Variants in UPF2 observed in about 807,000 individuals in gnomAD.
UPF2 encodes the protein UPF2 regulator of nonsense mediated mRNA decay, also known as regulator of nonsense transcripts 2.
A neutral mutation model predicts 141.4 loss-of-function variants in UPF2; 17 were observed. The observed-to-expected ratio is 0.12, with a 90% CI of 0.08 to 0.18. The LOEUF is 0.18. UPF2 is among the 10% of genes least tolerant of loss of function. The probability of loss-of-function intolerance (pLI) is 1.00; values close to 1 mark genes in which losing one functional copy is unlikely to be tolerated. For missense variants in UPF2, 1,152 were observed against 1,515.9 expected, an observed-to-expected ratio of 0.76 and a Z score of 3.99; for synonymous variants, 540 against 498.0, an observed-to-expected ratio of 1.08 and a Z score of -1.12.
At position 11,956,660 on chromosome 10, in the gene UPF2, C is replaced by T. The variant is rs1244266045; in HGVS notation, c.2371-137G>A. The T allele has an allele frequency of 2.7e-6, 2 of 735,540 alleles. No individual in the cohort carries two copies. Among genetic ancestry groups the T allele is most frequent in the Non-Finnish European group, 4.5e-6 (2 of 448,602 alleles). 45.6% of individuals were successfully genotyped at this position (735,540 alleles called of 1,614,324 possible). A position where few individuals can be genotyped will look rare whatever the true frequency, so the allele number is the denominator to read the frequency against. On this transcript the variant is annotated intron_variant, in intron 12 of 21. Coordinates refer to ENST00000357604, the MANE Select transcript of UPF2 (RefSeq NM_015542.4). This position sits in a 1 kb window ranked among gnomAD's most constrained non-coding sequence, Gnocchi z 4.2. ...ATTAGAAATCCTCTATCGGCCTCTT[C>T]AGAAATAGAAAAACTGAGACTTTCT... is the stretch of plus-strand genomic sequence containing the variant.
chr10:12,024,586 G>A (rs552414474), intron 3 of UPF2, among the ~76,000 whole-genome samples: 9 of 151,966 alleles, frequency 5.9e-5, no homozygotes, highest in African/African-American at 2.2e-4. Context: ...CTCCAGCCTG[G>A]GCAACACAGG....
intron 21 of UPF2, among the ~76,000 whole-genome samples, chr10:11,927,022 C>G (rs1158059008): frequency 6.6e-6 from 1 of 152,188 alleles, no homozygotes; most frequent in Non-Finnish European, 1.5e-5. Context: ...CAGACTCTCA[C>G]CCAAGGTTTT....
chr10:11,931,778 T>C lies in UPF2; in HGVS notation c.3551A>G (p.Lys1184Arg). Reference sequence around the variant, plus strand: ...AGAGGACATGGGTACATTAAGGATCTTAAACTGGGAGAAAATAACAAAGGA... The same window carrying C: ...AGAGGACATGGGTACATTAAGGATCCTAAACTGGGAGAAAATAACAAAGGA... ...LTRKGNKQQF[K>R]ILNVPMSSQL... The change falls in exon 20 of 22, where the codon AAG becomes AGG. Residue 1184 changes from lysine (K) to arginine (R), a missense_variant. This residue lies in a region of UPF2 where 66 missense variants were observed against 123.5 expected (regional missense o/e 0.53). Coordinates refer to ENST00000357604, the MANE Select transcript of UPF2 (RefSeq NM_015542.4). This position sits in a 1 kb window ranked among gnomAD's most constrained non-coding sequence, Gnocchi z 5.9. 1 of 1,591,030 alleles carries C rather than the reference T, an allele frequency of 6.3e-7. No homozygotes were observed. The highest frequency in any genetic ancestry group is 8.5e-7 in the Non-Finnish European group (1 of 1,174,716).
chr10:11,949,590 G>A (rs957746662), intron 15 of UPF2, among the ~76,000 whole-genome samples: 9 of 152,108 alleles, frequency 5.9e-5, no homozygotes, highest in African/African-American at 2.2e-4. Context: ...TGTCTTAAAT[G>A]TTCAAAACTT....
At chr10:11,977,502 A>T (rs1034201095) in intron 9 of UPF2, among the ~76,000 whole-genome samples, 2 of 152,222 alleles carry the variant, frequency 1.3e-5, no homozygotes, top group Admixed American at 6.5e-5. Context: ...GAGAGAGTAC[A>T]TATAGACAGA....
rs753944141 is a variant in UPF2, at chr10:11,936,759, G to A, written c.3379-47C>T. On this transcript the variant is annotated intron_variant, in intron 18 of 21. Transcript: ENST00000357604. The surrounding 1 kb of genome is among the most constrained non-coding windows in gnomAD (Gnocchi z 6.6). ...ATAATAAACACTCCAAGATATATAC[G>A]GATATATGTCAATATAAATTGCAAA... is the stretch of plus-strand genomic sequence containing the variant. The A allele has an allele frequency of 5.9e-5, 89 of 1,505,502 alleles. No individual in the cohort carries two copies. Among genetic ancestry groups the A allele is most frequent in the South Asian group, 6.8e-5 (5 of 73,514 alleles). The allele number at this position is 1,505,502 out of a possible 1,614,324, so 93.3% of individuals were successfully genotyped here. A position where few individuals can be genotyped will look rare whatever the true frequency, so the allele number is the denominator to read the frequency against.
In UPF2 at chr10:11,962,863, T is replaced by C. The variant is rs1428251201; in HGVS notation, c.2184+1146A>G. On this transcript the variant is annotated intron_variant, in intron 11 of 21. Transcript: ENST00000357604. ...GCCTTTAAGACTCAGCTTAGGTCTC[T>C]AAAATAAAAACTGCTTTTTTCAAGA... Among the ~76,000 whole-genome samples the C allele has an allele frequency of 2.6e-5, 4 of 152,308 alleles. No individual in the cohort carries two copies. In the South Asian group the frequency reaches 6.2e-4, roughly 24 times the overall value.
chr10:11,964,759 C>T (rs930975086), intron 10 of UPF2, among the ~76,000 whole-genome samples: 3 of 152,256 alleles, frequency 2.0e-5, no homozygotes, highest in Admixed American at 1.3e-4. Flanking sequence ...ACCCCAATTG[C>T]CTTCCATTTC....
At chr10:11,951,569 T>C (rs1020423852) in intron 15 of UPF2, among the ~76,000 whole-genome samples, 6 of 152,188 alleles carry the variant, frequency 3.9e-5, no homozygotes, top group Admixed American at 1.3e-4. Context: ...TAATTATCTC[T>C]AGATTTTCTC....
chr10:11,980,190 C>T lies in UPF2; in HGVS notation c.1845-1025G>A, dbSNP rs1833569049. Among the ~76,000 whole-genome samples the T allele has an allele frequency of 6.6e-6, 1 of 152,148 alleles. No individual in the cohort carries two copies. Among genetic ancestry groups the T allele is most frequent in the Non-Finnish European group, 1.5e-5 (1 of 68,024 alleles). On this transcript the variant is annotated intron_variant, in intron 8 of 21. Coordinates refer to ENST00000357604, the MANE Select transcript of UPF2 (RefSeq NM_015542.4). The surrounding 1 kb of genome is among the most constrained non-coding windows in gnomAD (Gnocchi z 4.2). Reference sequence around the variant, plus strand: ...TGGCCACTACTAGTTGGAATCAACACACAAGCTAAAATTTATTTTCCATTC... The same window carrying T: ...TGGCCACTACTAGTTGGAATCAACATACAAGCTAAAATTTATTTTCCATTC...
chr10:11,996,523 T>C (rs1309968359), intron 8 of UPF2, among the ~76,000 whole-genome samples: 1 of 152,144 alleles, frequency 6.6e-6, no homozygotes, highest in African/African-American at 2.4e-5. Flanking sequence ...TTTTGTATTT[T>C]AGTAGAGATG....
At chr10:11,983,354 T>G (rs1303987860) in intron 8 of UPF2, among the ~76,000 whole-genome samples, 1 of 152,142 alleles carries the variant, frequency 6.6e-6, no homozygotes, top group African/African-American at 2.4e-5. Flanking sequence ...ATCAATCTTC[T>G]TTGGTCATGC....
chr10:11,999,715 T>C (rs1372129031), intron 7 of UPF2, among the ~76,000 whole-genome samples, 191 bp downstream of exon 7: 1 of 152,090 alleles, frequency 6.6e-6, no homozygotes, highest in African/African-American at 2.4e-5. Context: ...TACAGCCAAT[T>C]CTCTACCCAA....
chr10:11,938,853 G>GTTTTGTTTTTTTT lies in UPF2; in HGVS notation c.3379-2142_3379-2141insAAAAAAAACAAAA, dbSNP rs1832889729. On this transcript the variant is annotated intron_variant, in intron 18 of 21. Coordinates refer to ENST00000357604, the MANE Select transcript of UPF2 (RefSeq NM_015542.4). Reference sequence around the variant, plus strand: ...GTGGTCTTAAGCAAGTTTTTTTTTTGTTTTTTTTTTTTTTTTTTTTTTTTT... The same window carrying GTTTTGTTTTTTTT: ...GTGGTCTTAAGCAAGTTTTTTTTTTGTTTTGTTTTTTTTTTTTTTTTTTTTTTTTTTTTTTTTT... 1.1e-4 allele frequency among the ~76,000 whole-genome samples: 9 copies of GTTTTGTTTTTTTT among 79,832 alleles called. 1 individual carries two copies. The East Asian group carries it at 2.5e-3, about 22-fold the overall frequency. The allele number at this position is 79,832 out of a possible 152,430, so 52.4% of individuals were successfully genotyped here. A position where few individuals can be genotyped will look rare whatever the true frequency, so the allele number is the denominator to read the frequency against.
chr10:12,012,846 A>G (rs1440156550), intron 4 of UPF2, among the ~76,000 whole-genome samples: 1 of 151,100 alleles, frequency 6.6e-6, no homozygotes, highest in Non-Finnish European at 1.5e-5. Context: ...GCTTTGAGAT[A>G]TTGAATAAGA....
chr10:11,922,045 CA>C (rs1327818009), intron 21 of UPF2, among the ~76,000 whole-genome samples: 1 of 152,108 alleles, frequency 6.6e-6, no homozygotes, highest in Non-Finnish European at 1.5e-5. Context: ...CAGACACACA[CA>C]GGGGGAAAAG....
intron 16 of UPF2, among the ~76,000 whole-genome samples, chr10:11,945,323 G>C (rs1207890757): frequency 1.3e-5 from 2 of 152,206 alleles, no homozygotes; most frequent in Admixed American, 6.5e-5. Flanking sequence ...TTTAAGAGCT[G>C]AATTCTAACC....
In UPF2 at chr10:11,921,324, G is replaced by T; in HGVS notation, c.3810-17C>A. On this transcript the variant is annotated splice_polypyrimidine_tract_variant and intron_variant, in intron 21 of 21. Transcript: ENST00000357604. The surrounding 1 kb of genome is among the most constrained non-coding windows in gnomAD (Gnocchi z 5.9). ...CAACGTCTCCTAAAGGAACAAACAG[G>T]GTCACATCAGAGAGCTTACTGCCAC... 2 of 1,614,030 alleles carry T rather than the reference G, an allele frequency of 1.2e-6. No homozygotes were observed. Among genetic ancestry groups the T allele is most frequent in the Non-Finnish European group, 1.7e-6 (2 of 1,180,024 alleles).
intron 13 of UPF2, 45 bp from the exon 14 acceptor site, chr10:11,955,552 G>GTA: frequency 1.9e-6 from 3 of 1,545,696 alleles, no homozygotes; most frequent in Non-Finnish European, 2.6e-6. Flanking sequence ...GAGGAGTAGT[G>GTA]TATATGAAAA....
Sources: gnomAD v4.1 joint callset for allele counts (sites outside exome capture counted in the v4.1 genomes callset) on GRCh38, gnomAD v4.1.1 for gene constraint, gnomAD v4.1.1 regional missense constraint, Gnocchi (gnomAD v3.1) non-coding constraint, MANE v1.5 for transcripts, NCBI Gene and HGNC (gene_info 2026-07-23, HGNC 2026-07-21) for gene names.